AKAP7: variants seen among roughly 807,000 people sequenced by gnomAD.
AKAP7 encodes the protein A-kinase anchoring protein 7, also known as A kinase (PRKA) anchor protein 7.
In AKAP7, 39 loss-of-function variants were observed where a neutral mutation model predicts 39.5. That is an observed-to-expected ratio of 0.99 (90% confidence interval 0.76 to 1.29). The LOEUF (loss-of-function observed/expected upper bound fraction) is 1.29. AKAP7 is among the 50% of genes most tolerant of loss of function. AKAP7 has a pLI of 0.00. For missense variants in AKAP7, 414 were observed against 407.7 expected, an observed-to-expected ratio of 1.02 and a Z score of -0.13; for synonymous variants, 140 against 139.1, an observed-to-expected ratio of 1.01 and a Z score of -0.05.
chr6:131,234,295 C>G (rs1474292530), intron 7 of AKAP7, among the ~76,000 whole-genome samples: 3 of 152,114 alleles, frequency 2.0e-5, no homozygotes, highest in Non-Finnish European at 4.4e-5. Context: ...CACAGCCGTG[C>G]TCTCAGAGTT....
At chr6:131,214,761 C>T (rs1438348760) in intron 6 of AKAP7, among the ~76,000 whole-genome samples, 1 of 152,074 alleles carries the variant, frequency 6.6e-6, no homozygotes, top group Non-Finnish European at 1.5e-5. Flanking sequence ...GTAATTTTGA[C>T]ATTGGTTTTG....
intron 2 of AKAP7, among the ~76,000 whole-genome samples, chr6:131,154,156 A>C (rs1802201132): frequency 6.6e-6 from 1 of 152,074 alleles, no homozygotes; most frequent in Non-Finnish European, 1.5e-5. Context: ...TGCAGTGAGC[A>C]GAGATCGCTC....
Position 131,281,686 on chromosome 6 carries a change from C to A in AKAP7, c.1007C>A (p.Ala336Asp). ...GEGSSVKTEAADQNGNDNENN... is the reference protein window; with the variant it reads ...GEGSSVKTEADDQNGNDNENN... The stretch of plus-strand genomic sequence containing the variant: ...GGGAGCTCTGTGAAAACCGAAGCAG[C>A]TGATCAGAATGGCAATGACAATGAG... Residue 336 changes from alanine to aspartate, a missense_variant, in exon 8 of 8, where the codon GCT becomes GAT. By Grantham distance (126) the Ala-to-Asp change is moderately radical. Coordinates refer to ENST00000431975, the MANE Select transcript of AKAP7 (RefSeq NM_016377.4). The surrounding 1 kb of genome is among the most constrained non-coding windows in gnomAD (Gnocchi z 4.0). 1 of 1,612,348 alleles carries A rather than the reference C, an allele frequency of 6.2e-7. No homozygotes were observed. The highest frequency in any genetic ancestry group is 8.5e-7 in the Non-Finnish European group (1 of 1,179,190).
At chr6:131,238,913 G>A in intron 7 of AKAP7, among the ~76,000 whole-genome samples, 1 of 152,126 alleles carries the variant, frequency 6.6e-6, no homozygotes, top group East Asian at 1.9e-4. Flanking sequence ...TTACATTTAA[G>A]GTTAATATTG....
At chr6:131,238,451 T>A (rs1811267871) in intron 7 of AKAP7, among the ~76,000 whole-genome samples, 1 of 152,216 alleles carries the variant, frequency 6.6e-6, no homozygotes, top group Non-Finnish European at 1.5e-5. Context: ...GTTCAGTTCC[T>A]GGATATCCTT....
At chr6:131,242,065 C>T (rs964003927) in intron 7 of AKAP7, 27 of 981,784 alleles carry the variant, frequency 2.8e-5, no homozygotes, top group African/African-American at 3.5e-5. Context: ...TGTATCTGAC[C>T]GTAATATGTT....
At chr6:131,279,290 G>T (rs745337018) in intron 7 of AKAP7, among the ~76,000 whole-genome samples, 21 of 151,694 alleles carry the variant, frequency 1.4e-4, no homozygotes, top group Admixed American at 2.6e-4. Context: ...CTTCTTTTTT[G>T]AGACAGTCTC....
intron 7 of AKAP7, among the ~76,000 whole-genome samples, chr6:131,273,551 T>C (rs1412449238): frequency 6.6e-6 from 1 of 152,232 alleles, no homozygotes; most frequent in Admixed American, 6.5e-5. Context: ...CAAATAATAT[T>C]ATGCCACTTC....
At chr6:131,273,719 T>C in intron 7 of AKAP7, among the ~76,000 whole-genome samples, 1 of 152,196 alleles carries the variant, frequency 6.6e-6, no homozygotes, top group South Asian at 2.1e-4. Context: ...TTATTTTTAC[T>C]TACGTATGTA....
chr6:131,160,270 A>C, intron 3 of AKAP7, 72 bp downstream of exon 3: 1 of 1,470,382 alleles, frequency 6.8e-7, no homozygotes, highest in South Asian at 1.2e-5. Flanking sequence ...AATGCTTATT[A>C]GCCCACTTGC....
chr6:131,156,573 G>A lies in AKAP7; in HGVS notation c.152-3486G>A, dbSNP rs534004642. On this transcript the variant is annotated intron_variant, in intron 2 of 7. Coordinates refer to ENST00000431975, the MANE Select transcript of AKAP7 (RefSeq NM_016377.4). ...AGGATCATTTGAGCCCCAGGAGTTC[G>A]AGGTTACAGTGAGCTATGATTGCAT... is the stretch of plus-strand genomic sequence containing the variant. 1.1e-4 allele frequency among the ~76,000 whole-genome samples: 17 copies of A among 152,090 alleles called. No individual in the cohort carries two copies. The South Asian group carries it at 1.2e-3, about 11-fold the overall frequency.
At chr6:131,133,729 G>T (rs565395810), upstream of AKAP7, among the ~76,000 whole-genome samples, 3 of 152,274 alleles carry the variant, frequency 2.0e-5, no homozygotes, top group South Asian at 6.2e-4. Context: ...AGATTAAGAC[G>T]AGAAAAGGAT....
intron 6 of AKAP7, among the ~76,000 whole-genome samples, chr6:131,204,497 G>A (rs1807906039): frequency 6.6e-6 from 1 of 152,108 alleles, no homozygotes; most frequent in South Asian, 2.1e-4. Context: ...GTGTTTCATC[G>A]CATTTTAGAG....
intron 7 of AKAP7, among the ~76,000 whole-genome samples, chr6:131,256,221 C>T (rs1363277622): frequency 6.6e-6 from 1 of 152,132 alleles, no homozygotes; most frequent in African/African-American, 2.4e-5. Context: ...ATTGTGGTAG[C>T]AGCAGGAATG....
rs1191759844 is a variant in AKAP7, at chr6:131,135,477, C to T, written c.-287C>T. 6.7e-6 allele frequency among the ~76,000 whole-genome samples: 1 copy of T among 149,984 alleles called. No individual in the cohort carries two copies. The highest frequency in any genetic ancestry group is 1.5e-5 in the Non-Finnish European group (1 of 66,482). On this transcript the variant is annotated 5_prime_UTR_variant, in exon 1 of 8. Transcript: ENST00000431975. ...TCGGGTCGGCCCCTTCTGGCTTGTTCCGGCGTCCGGCCTGGCATGCGGGTG... is the reference window on the plus strand; with the variant it reads ...TCGGGTCGGCCCCTTCTGGCTTGTTTCGGCGTCCGGCCTGGCATGCGGGTG...
At chr6:131,218,122 C>G (rs1047051045) in intron 6 of AKAP7, among the ~76,000 whole-genome samples, 24 of 151,872 alleles carry the variant, frequency 1.6e-4, no homozygotes, top group Non-Finnish European at 2.4e-4. Flanking sequence ...TCCACAGAAC[C>G]CTTTGAGGTA....
At chr6:131,246,832 T>TCCC (rs1480050592) in intron 7 of AKAP7, among the ~76,000 whole-genome samples, 3 of 152,204 alleles carry the variant, frequency 2.0e-5, no homozygotes, top group Non-Finnish European at 4.4e-5. Context: ...TATTTTGAAA[T>TCCC]TGTGGTATGC....
At chr6:131,138,011 G>A (rs765460907) in intron 1 of AKAP7, among the ~76,000 whole-genome samples, 2 of 151,978 alleles carry the variant, frequency 1.3e-5, no homozygotes, top group Admixed American at 6.6e-5. Context: ...GTCATTGTTC[G>A]TAGTTGTCAT....
chr6:131,277,346 A>G (rs1814831655), intron 7 of AKAP7, among the ~76,000 whole-genome samples: 1 of 152,224 alleles, frequency 6.6e-6, no homozygotes, highest in African/African-American at 2.4e-5. Flanking sequence ...CTGTCATTTT[A>G]TTAGGTAGAA....
Sources: allele counts gnomAD v4.1 joint callset (sites outside exome capture counted in the v4.1 genomes callset), GRCh38; gene constraint gnomAD v4.1.1; non-coding constraint Gnocchi (gnomAD v3.1); transcripts MANE v1.5; gene names NCBI Gene and HGNC (gene_info 2026-07-23, HGNC 2026-07-21).